SH3PXD2A: variants seen among roughly 807,000 people sequenced by gnomAD.
The protein encoded by SH3PXD2A is SH3 and PX domains 2A, also known as SH3 and PX domain-containing protein 2A.
SH3PXD2A carries 32 observed loss-of-function variants against 115.2 expected under a neutral mutation model. That is an observed-to-expected ratio of 0.28 (90% CI 0.21 to 0.37). The LOEUF (loss-of-function observed/expected upper bound fraction) is 0.37. SH3PXD2A is among the 10% of genes least tolerant of loss of function. The probability of loss-of-function intolerance (pLI) is 1.00; values close to 1 mark genes in which losing one functional copy is unlikely to be tolerated. For synonymous variants in SH3PXD2A, 610 were observed against 629.1 expected (o/e 0.97, Z 0.45); for missense variants, 1,328 against 1,498.7 (o/e 0.89, Z 1.88).
intron 1 of SH3PXD2A, among the ~76,000 whole-genome samples, chr10:103,803,850 C>T (rs987808400): frequency 9.2e-5 from 14 of 152,176 alleles, no homozygotes; most frequent in Non-Finnish European, 1.8e-4. Flanking sequence ...GGGGTACAGC[C>T]TGCGTTATAC....
At chr10:103,609,204 T>C (rs1285954723) in intron 13 of SH3PXD2A, 1 of 151,284 alleles carries the variant, frequency 6.6e-6, no homozygotes, top group African/African-American at 2.4e-5. Flanking sequence ...GAAATCATTC[T>C]AACAAAGCAC....
chr10:103,730,272 T>A (rs1564875016), intron 4 of SH3PXD2A, among the ~76,000 whole-genome samples: 1 of 131,012 alleles, frequency 7.6e-6, no homozygotes, highest in African/African-American at 3.1e-5. Context: ...GCACACTGAT[T>A]TTTTTTGTTT....
At chr10:103,676,528 A>T (rs1037376651) in intron 6 of SH3PXD2A, among the ~76,000 whole-genome samples, 3 of 152,144 alleles carry the variant, frequency 2.0e-5, no homozygotes, top group African/African-American at 7.2e-5. Context: ...GAGGCTGCCT[A>T]GAAGGGGCTG....
rs138753330 is a variant in SH3PXD2A at position 103,627,177 on chromosome 10, C to T, written c.630G>A (p.Glu210=). 4.0e-5 allele frequency: 65 copies of T among 1,611,868 alleles called. No individual in the cohort carries two copies. The highest frequency in any genetic ancestry group is 5.3e-5 in the Non-Finnish European group (62 of 1,178,140). ...ESGWWFVSTS[E]EQGWVPATYL... ...AGGTGGCAGGGACCCAGCCCTGCTC[C>T]TCAGAAGTGCTCACGAACCACCAGC... The change falls in exon 9 of 15, where the codon GAG becomes GAA. Residue 210 remains glutamate (E), a synonymous_variant. Coordinates refer to ENST00000369774, the MANE Select transcript of SH3PXD2A (RefSeq NM_001394015.1). This position sits in a 1 kb window ranked among gnomAD's most constrained non-coding sequence, Gnocchi z 4.4.
chr10:103,595,701 G>A lies in SH3PXD2A; in HGVS notation c.*6115C>T, dbSNP rs1368772983. On this transcript the variant is annotated 3_prime_UTR_variant, in exon 15 of 15. Coordinates refer to ENST00000369774, the MANE Select transcript of SH3PXD2A (RefSeq NM_001394015.1). ...AGTTCTAGGACTGGAGTAGGAGAGGGTGCTGTTGTCAAGGTTAAGTGCAAA... is the reference window on the plus strand; with the variant it reads ...AGTTCTAGGACTGGAGTAGGAGAGGATGCTGTTGTCAAGGTTAAGTGCAAA... The A allele has an allele frequency of 6.6e-6, 1 of 152,654 alleles. No individual in the cohort carries two copies. The highest frequency in any genetic ancestry group is 2.4e-5 in the African/African-American group (1 of 41,460). The allele number at this position is 152,654 out of a possible 1,614,324, so 9.5% of individuals were successfully genotyped here. A position where few individuals can be genotyped will look rare whatever the true frequency, so the allele number is the denominator to read the frequency against.
At chr10:103,747,624 C>T (rs948894727) in intron 3 of SH3PXD2A, among the ~76,000 whole-genome samples, 26 of 152,168 alleles carry the variant, frequency 1.7e-4, no homozygotes, top group Admixed American at 1.3e-3. Flanking sequence ...AGTCCTGGGT[C>T]GCAGTGATGA....
chr10:103,698,453 CG>C, intron 5 of SH3PXD2A, among the ~76,000 whole-genome samples: 1 of 152,334 alleles, frequency 6.6e-6, no homozygotes, highest in East Asian at 1.9e-4. Flanking sequence ...TGCCTGTCTG[CG>C]GGGCCTACAG....
chr10:103,675,719 T>C (rs2037523443), intron 6 of SH3PXD2A, among the ~76,000 whole-genome samples: 1 of 152,214 alleles, frequency 6.6e-6, no homozygotes, highest in Non-Finnish European at 1.5e-5. Context: ...CAGTCTGTAA[T>C]TTACAGATGA....
chr10:103,641,143 CAA>C (rs936557280), intron 8 of SH3PXD2A, among the ~76,000 whole-genome samples: 3 of 152,202 alleles, frequency 2.0e-5, no homozygotes, highest in East Asian at 1.9e-4. Flanking sequence ...TGACAAGATG[CAA>C]AGTCTTAAAT....
At position 103,785,582 on chromosome 10, in the gene SH3PXD2A, C is replaced by T. The variant is rs779091316; in HGVS notation, c.153+15700G>A. On this transcript the variant is annotated intron_variant, in intron 2 of 14. Coordinates refer to ENST00000369774, the MANE Select transcript of SH3PXD2A (RefSeq NM_001394015.1). The stretch of plus-strand genomic sequence containing the variant: ...GGGACAGAGCAATGGCTGGCCATCA[C>T]GGCTGCCCACAGGAGGCAGGACAGC... Among the ~76,000 whole-genome samples the T allele has an allele frequency of 5.9e-5, 9 of 152,236 alleles. No homozygotes were observed. In the South Asian group the frequency reaches 1.2e-3, roughly 21 times the overall value.
At chr10:103,615,517 T>C in intron 11 of SH3PXD2A, among the ~76,000 whole-genome samples, 1 of 124,342 alleles carries the variant, frequency 8.0e-6, no homozygotes, top group Admixed American at 8.0e-5. Context: ...TGTGTGTGTG[T>C]GTGTGTGTGT....
intron 1 of SH3PXD2A, among the ~76,000 whole-genome samples, chr10:103,807,560 G>A (rs1290811482): frequency 6.6e-6 from 1 of 152,250 alleles, no homozygotes; most frequent in Non-Finnish European, 1.5e-5. Flanking sequence ...TCACTGCCCA[G>A]TGGTTGCCTG....
chr10:103,691,526 C>A (rs1047066088), intron 6 of SH3PXD2A, among the ~76,000 whole-genome samples: 2 of 152,098 alleles, frequency 1.3e-5, no homozygotes, highest in African/African-American at 4.8e-5. Context: ...CACTTGAGAC[C>A]TGCCTGGAGT....
At chr10:103,806,629 A>G (rs1048480643) in intron 1 of SH3PXD2A, among the ~76,000 whole-genome samples, 4 of 152,206 alleles carry the variant, frequency 2.6e-5, no homozygotes, top group African/African-American at 9.7e-5. Context: ...CTGGGTCTCA[A>G]GAAAAGTTTG....
At chr10:103,693,277 G>A (rs2037783686) in intron 5 of SH3PXD2A, 1 of 138,290 alleles carries the variant, frequency 7.2e-6, no homozygotes, top group Admixed American at 7.0e-5. Context: ...GCCCCCAGGC[G>A]CGATTCGCCC....
At chr10:103,834,878 C>A (rs892704738) in intron 1 of SH3PXD2A, among the ~76,000 whole-genome samples, 1 of 152,266 alleles carries the variant, frequency 6.6e-6, no homozygotes, top group African/African-American at 2.4e-5. Flanking sequence ...CCGCTACAAC[C>A]TAATCTAAGT....
intron 5 of SH3PXD2A, among the ~76,000 whole-genome samples, chr10:103,723,777 T>C (rs1048047768): frequency 2.0e-5 from 3 of 152,220 alleles, no homozygotes; most frequent in African/African-American, 7.2e-5. Flanking sequence ...ACATAAAAGA[T>C]ACTGGGTAAA....
In SH3PXD2A at chr10:103,605,831, A is replaced by G. The variant is rs2036291827; in HGVS notation, c.1395T>C (p.Asp465=). 1.2e-6 allele frequency: 2 copies of G among 1,613,384 alleles called. No homozygotes were observed. The highest frequency in any genetic ancestry group is 1.3e-5 in the African/African-American group (1 of 75,026). ...TCTGTCCACCCCGAAAGCTGATGCC[A>G]TCGGAAATGCACGACTGGAATTCGG... ...TIAEFQSCIS[D]GISFRGGQKA... Residue 465 remains aspartate, a synonymous_variant, in exon 14 of 15, where the codon GAT becomes GAC. Transcript: ENST00000369774.
At chr10:103,806,508 G>C (rs1225194865) in intron 1 of SH3PXD2A, among the ~76,000 whole-genome samples, 1 of 152,112 alleles carries the variant, frequency 6.6e-6, no homozygotes, top group Non-Finnish European at 1.5e-5. Flanking sequence ...AGGGAAGGGG[G>C]ACAGGGCAGA....
Sources: gnomAD v4.1 joint callset for allele counts (sites outside exome capture counted in the v4.1 genomes callset) on GRCh38, gnomAD v4.1.1 for gene constraint, Gnocchi (gnomAD v3.1) non-coding constraint, MANE v1.5 for transcripts, NCBI Gene and HGNC (gene_info 2026-07-23, HGNC 2026-07-21) for gene names.